EYA4: variants seen among roughly 807,000 people sequenced by gnomAD.
The protein encoded by EYA4 is EYA transcriptional coactivator and phosphatase 4.
A neutral mutation model predicts 87.9 loss-of-function variants in EYA4; 31 were observed. That is an observed-to-expected ratio of 0.35 (90% CI 0.27 to 0.48). The LOEUF is 0.48. Ranked by LOEUF, EYA4 falls within the 20% of genes least tolerant of loss-of-function variation. EYA4 has a pLI of 0.99. For synonymous variants in EYA4, 263 were observed against 270.6 expected (o/e 0.97, Z 0.28); for missense variants, 678 against 761.4 (o/e 0.89, Z 1.29).
intron 2 of EYA4, among the ~76,000 whole-genome samples, chr6:133,368,848 T>C (rs1475316097): frequency 2.6e-5 from 4 of 152,194 alleles, no homozygotes; most frequent in Non-Finnish European, 5.9e-5. Context: ...CCTAAAGCCA[T>C]TGGGGCGTCT....
intron 3 of EYA4, among the ~76,000 whole-genome samples, chr6:133,432,488 C>CTTT (rs377728635): frequency 7.1e-6 from 1 of 141,712 alleles, no homozygotes; most frequent in Non-Finnish European, 1.5e-5. Context: ...GGCTGGTTGA[C>CTTT]TTTTTTTTTT....
At chr6:133,507,571 T>C in intron 14 of EYA4, among the ~76,000 whole-genome samples, 1 of 152,108 alleles carries the variant, frequency 6.6e-6, no homozygotes, top group South Asian at 2.1e-4. Context: ...TTCCCCTCCC[T>C]GTGTCCATGT....
At chr6:133,393,540 C>T (rs767460680) in intron 3 of EYA4, among the ~76,000 whole-genome samples, 3 of 152,050 alleles carry the variant, frequency 2.0e-5, no homozygotes, top group Non-Finnish European at 2.9e-5. Context: ...GGTGGAAGTA[C>T]ACTCCCTTCA....
At chr6:133,331,210 T>G (rs9493595) in intron 2 of EYA4, among the ~76,000 whole-genome samples, 3,461 of 152,226 alleles carry the variant, frequency 0.023, 136 homozygotes, top group African/African-American at 0.08. Flanking sequence ...TATGGTTTTA[T>G]GAAATGACAA....
At chr6:133,469,955 A>C (rs1469478349) in intron 11 of EYA4, among the ~76,000 whole-genome samples, 1 of 151,590 alleles carries the variant, frequency 6.6e-6, no homozygotes, top group Non-Finnish European at 1.5e-5. Context: ...TCTTCTTGTA[A>C]ATTTGTTTGA....
chr6:133,280,758 T>G (rs2128280782), intron 2 of EYA4, among the ~76,000 whole-genome samples: 1 of 152,286 alleles, frequency 6.6e-6, no homozygotes, highest in Admixed American at 6.5e-5. Context: ...AATGTACAAT[T>G]CAGTGATTTC....
rs1209961033 is a variant in EYA4, at chr6:133,513,044, T to C, written c.1501+6T>C. The C allele has an allele frequency of 4.3e-6, 7 of 1,613,320 alleles. No homozygotes were observed. The South Asian group carries it at 7.7e-5, about 18-fold the overall frequency. ...CTACAAGAACAACGTTGGAGGTATG[T>C]GTGGCTTTTTCAATCTAACAAAGGT... On this transcript the variant is annotated splice_donor_region_variant and intron_variant, in intron 16 of 19. Transcript: ENST00000355286.
intron 13 of EYA4, among the ~76,000 whole-genome samples, chr6:133,494,865 TAA>T (rs970750514): frequency 6.6e-6 from 1 of 151,814 alleles, no homozygotes; most frequent in Non-Finnish European, 1.5e-5. Context: ...ATAAAATAAA[TAA>T]AAGAGTTTAA....
intron 2 of EYA4, among the ~76,000 whole-genome samples, chr6:133,318,619 CTT>C (rs780824574): frequency 6.5e-5 from 7 of 107,900 alleles, no homozygotes; most frequent in African/African-American, 1.8e-4. Context: ...TTAAGCCATT[CTT>C]TTTTTTTTTT....
At chr6:133,274,953 A>G (rs1777043063) in intron 2 of EYA4, 140 bp downstream of exon 2, 2 of 706,274 alleles carry the variant, frequency 2.8e-6, no homozygotes, top group African/African-American at 1.8e-5. Flanking sequence ...TTCAAAGACC[A>G]TGAAACAGAC....
At chr6:133,291,461 C>A (rs990051840) in intron 2 of EYA4, among the ~76,000 whole-genome samples, 3 of 151,970 alleles carry the variant, frequency 2.0e-5, no homozygotes, top group African/African-American at 7.3e-5. Flanking sequence ...TTTAAATAAA[C>A]ATCTTTGGCA....
intron 3 of EYA4, among the ~76,000 whole-genome samples, chr6:133,419,522 A>G (rs1461050237): frequency 6.6e-6 from 1 of 152,166 alleles, no homozygotes. Context: ...GTATCCTCCA[A>G]ATATGCCTCA....
At chr6:133,322,676 T>C in intron 2 of EYA4, among the ~76,000 whole-genome samples, 1 of 152,184 alleles carries the variant, frequency 6.6e-6, no homozygotes, top group South Asian at 2.1e-4. Context: ...TGAGGTAAAG[T>C]TGATGGGCAC....
At chr6:133,293,838 G>T (rs1778689803) in intron 2 of EYA4, among the ~76,000 whole-genome samples, 1 of 151,472 alleles carries the variant, frequency 6.6e-6, no homozygotes, top group South Asian at 2.1e-4. Context: ...TTGGGAGGCT[G>T]AGGTTGGAGG....
At chr6:133,297,089 C>T (rs1779002155) in intron 2 of EYA4, among the ~76,000 whole-genome samples, 1 of 152,096 alleles carries the variant, frequency 6.6e-6, no homozygotes, top group Non-Finnish European at 1.5e-5. Context: ...ATTAAATTTT[C>T]CTCAATATGT....
At chr6:133,374,629 G>A (rs374205729) in intron 2 of EYA4, among the ~76,000 whole-genome samples, 186 of 152,138 alleles carry the variant, frequency 1.2e-3, no homozygotes, top group African/African-American at 4.3e-3. Context: ...CAGGTATGCA[G>A]TAGAGTCCTC....
At chr6:133,305,164 A>G (rs1779709812) in intron 2 of EYA4, among the ~76,000 whole-genome samples, 1 of 152,152 alleles carries the variant, frequency 6.6e-6, no homozygotes, top group Non-Finnish European at 1.5e-5. Context: ...GAGAAATGCA[A>G]AGAGTCATGA....
intron 3 of EYA4, among the ~76,000 whole-genome samples, chr6:133,406,674 A>C (rs932477527): frequency 6.6e-6 from 1 of 152,214 alleles, no homozygotes; most frequent in African/African-American, 2.4e-5. Flanking sequence ...TATTTCAGTT[A>C]GCTATATACA....
intron 2 of EYA4, among the ~76,000 whole-genome samples, chr6:133,300,624 C>T (rs1047498626): frequency 6.6e-6 from 1 of 152,100 alleles, no homozygotes; most frequent in Non-Finnish European, 1.5e-5. Context: ...AAGCAACTCC[C>T]CTGCCTCAGC....
Sources: allele counts gnomAD v4.1 joint callset (sites outside exome capture counted in the v4.1 genomes callset), GRCh38; gene constraint gnomAD v4.1.1; transcripts MANE v1.5; gene names NCBI Gene and HGNC (gene_info 2026-07-23, HGNC 2026-07-21).